HOOK3: variants seen among roughly 807,000 people sequenced by gnomAD.
The protein encoded by HOOK3 is protein Hook homolog 3.
In HOOK3, 24 loss-of-function variants were observed where a neutral mutation model predicts 116.3. The observed-to-expected ratio is 0.21, with a 90% CI of 0.15 to 0.29. The LOEUF (loss-of-function observed/expected upper bound fraction) is 0.29, where lower values mean the gene tolerates loss of function less well. Ranked by LOEUF, HOOK3 falls within the 10% of genes least tolerant of loss-of-function variation. The pLI is 1.00. For missense variants in HOOK3, 632 were observed against 830.2 expected (o/e 0.76, Z 2.93); for synonymous variants, 275 against 283.0 (o/e 0.97, Z 0.28).
intron 1 of HOOK3, among the ~76,000 whole-genome samples, chr8:42,904,730 T>A (rs1356116383): frequency 6.6e-6 from 1 of 152,214 alleles, no homozygotes; most frequent in Non-Finnish European, 1.5e-5. Flanking sequence ...TGTTAATTCT[T>A]CAGTTTTTTG....
chr8:43,016,996 AGACTCC>A (rs2130495453), intron 21 of HOOK3, among the ~76,000 whole-genome samples: 1 of 151,912 alleles, frequency 6.6e-6, no homozygotes, highest in Admixed American at 6.6e-5. Flanking sequence ...CAACATGGCA[AGACTCC>A]GTCTAAAAAA....
At chr8:43,017,280 G>A (rs901249211) in intron 21 of HOOK3, among the ~76,000 whole-genome samples, 3 of 152,046 alleles carry the variant, frequency 2.0e-5, no homozygotes, top group Non-Finnish European at 4.4e-5. Flanking sequence ...TGTTGTTATC[G>A]TTTTTGAGCC....
At chr8:42,996,318 G>A (rs774294867) in intron 15 of HOOK3, among the ~76,000 whole-genome samples, 3 of 151,026 alleles carry the variant, frequency 2.0e-5, no homozygotes, top group South Asian at 4.2e-4. Flanking sequence ...CCTGGGAGGC[G>A]GAGGTTGCAG....
intron 13 of HOOK3, among the ~76,000 whole-genome samples, chr8:42,981,746 T>C (rs1331766350): frequency 1.3e-5 from 2 of 150,646 alleles, no homozygotes; most frequent in East Asian, 4.0e-4. Flanking sequence ...TAGCTGGGCG[T>C]GGTGGTGGGC....
At chr8:42,930,884 A>G (rs1807860242) in intron 4 of HOOK3, among the ~76,000 whole-genome samples, 1 of 152,122 alleles carries the variant, frequency 6.6e-6, no homozygotes, top group Non-Finnish European at 1.5e-5. Context: ...CTGTGCGGCC[A>G]CCAACTATGC....
intron 6 of HOOK3, among the ~76,000 whole-genome samples, chr8:42,954,199 G>C (rs1808395501): frequency 6.6e-6 from 1 of 152,080 alleles, no homozygotes; most frequent in African/African-American, 2.4e-5. Flanking sequence ...TAAGATGAGG[G>C]AAAACAAATA....
intron 2 of HOOK3, among the ~76,000 whole-genome samples, chr8:42,911,326 C>T (rs1035541369): frequency 3.3e-5 from 5 of 152,134 alleles, no homozygotes; most frequent in South Asian, 2.1e-4. Flanking sequence ...TGGCGCATGC[C>T]TGTAATCCCA....
intron 19 of HOOK3, among the ~76,000 whole-genome samples, chr8:43,011,093 C>T (rs1168832612): frequency 6.6e-5 from 10 of 151,842 alleles, no homozygotes; most frequent in East Asian, 3.9e-4. Flanking sequence ...CCCGGGTTCA[C>T]GCCATTCTCC....
intron 4 of HOOK3, among the ~76,000 whole-genome samples, chr8:42,932,862 A>G (rs1256298990): frequency 6.6e-6 from 1 of 152,196 alleles, no homozygotes; most frequent in African/African-American, 2.4e-5. Context: ...TATATGATTC[A>G]GTATCAGTTT....
intron 15 of HOOK3, among the ~76,000 whole-genome samples, chr8:42,990,135 A>G (rs980562396): frequency 6.6e-6 from 1 of 151,768 alleles, no homozygotes; most frequent in African/African-American, 2.4e-5. Context: ...AGCTGGAACT[A>G]TAGGTACACA....
In HOOK3 at chr8:43,025,502, A is replaced by G; in HGVS notation, c.*7004A>G. 1 of 213,528 alleles carries G rather than the reference A, an allele frequency of 4.7e-6. No individual in the cohort carries two copies. The highest frequency in any genetic ancestry group is 9.5e-6 in the Non-Finnish European group (1 of 105,554). The allele number at this position is 213,528 out of a possible 1,614,324, so 13.2% of individuals were successfully genotyped here. On this transcript the variant is annotated 3_prime_UTR_variant, in exon 22 of 22. Transcript: ENST00000307602. ...CAATAGTTTGCCTAAAATCCTCTGT[A>G]TTACATGATTATTCAGTAAAAGAGT...
At chr8:42,931,687 C>A (rs1330763168) in intron 4 of HOOK3, among the ~76,000 whole-genome samples, 2 of 151,990 alleles carry the variant, frequency 1.3e-5, no homozygotes, top group African/African-American at 4.8e-5. Flanking sequence ...CCGCCTCGGC[C>A]TCCCAGAGTG....
intron 7 of HOOK3, among the ~76,000 whole-genome samples, chr8:42,958,313 A>AT (rs977013518): frequency 5.9e-5 from 9 of 151,530 alleles, no homozygotes; most frequent in African/African-American, 1.5e-4. Flanking sequence ...CCAAGCTTTA[A>AT]TTTTTTTTTA....
intron 17 of HOOK3, among the ~76,000 whole-genome samples, chr8:43,005,041 C>T (rs926444025): frequency 5.3e-5 from 8 of 151,622 alleles, no homozygotes; most frequent in African/African-American, 1.9e-4. Context: ...GAATACCAAA[C>T]AATAGGGGAA....
intron 2 of HOOK3, among the ~76,000 whole-genome samples, chr8:42,919,962 T>TG (rs1807624937): frequency 6.6e-6 from 1 of 151,528 alleles, no homozygotes; most frequent in Non-Finnish European, 1.5e-5. Context: ...GGTTTTTTTT[T>TG]TTTTCTGTGA....
intron 2 of HOOK3, among the ~76,000 whole-genome samples, chr8:42,907,688 A>T (rs1461578391): frequency 6.6e-6 from 1 of 152,124 alleles, no homozygotes; most frequent in Non-Finnish European, 1.5e-5. Flanking sequence ...TAGGATCTTT[A>T]TCACTTAGAG....
chr8:43,020,527 C>T lies in HOOK3; in HGVS notation c.*2029C>T, dbSNP rs1809805326. On this transcript the variant is annotated 3_prime_UTR_variant, in exon 22 of 22. Coordinates refer to ENST00000307602, the MANE Select transcript of HOOK3 (RefSeq NM_032410.4). ...GTCAGGAGTTTGAGACCAGCCTGGC[C>T]AACATGGTGAAACCCCATCTCTACT... 1 of 178,734 alleles carries T rather than the reference C, an allele frequency of 5.6e-6. No homozygotes were observed. 11.1% of individuals were successfully genotyped at this position (178,734 alleles called of 1,614,324 possible). A position where few individuals can be genotyped will look rare whatever the true frequency, so the allele number is the denominator to read the frequency against.
intron 2 of HOOK3, among the ~76,000 whole-genome samples, chr8:42,912,743 C>T (rs1005216423): frequency 6.6e-6 from 1 of 152,162 alleles, no homozygotes; most frequent in Admixed American, 6.5e-5. Context: ...ATAGATAAAC[C>T]AGCACTGGCA....
intron 6 of HOOK3, 46 bp downstream of exon 6, chr8:42,950,501 TAA>T: frequency 8.0e-7 from 1 of 1,244,156 alleles, no homozygotes; most frequent in Non-Finnish European, 1.2e-6. Flanking sequence ...ATTAAAGGAG[TAA>T]ACATGAGTAT....
Sources: allele counts gnomAD v4.1 joint callset (sites outside exome capture counted in the v4.1 genomes callset), GRCh38; gene constraint gnomAD v4.1.1; transcripts MANE v1.5; gene names NCBI Gene and HGNC (gene_info 2026-07-23, HGNC 2026-07-21).